The following DLG2 variants were observed in gnomAD, a reference collection of about 807,000 sequenced individuals.
The protein encoded by DLG2 is discs large MAGUK scaffold protein 2, also known as disks large homolog 2.
A neutral mutation model predicts 132.5 loss-of-function variants in DLG2; 45 were observed. The ratio of observed to expected loss-of-function variants is 0.34; its 90% CI spans 0.27 to 0.44. DLG2 has a LOEUF of 0.44. Ranked by LOEUF, DLG2 falls within the 20% of genes least tolerant of loss-of-function variation. DLG2 has a pLI of 1.00. For synonymous variants in DLG2, 424 were observed against 419.6 expected (o/e 1.01, Z -0.13); for missense variants, 1,045 against 1,196.9 (o/e 0.87, Z 1.87).
intron 7 of DLG2, among the ~76,000 whole-genome samples, chr11:84,424,985 C>A (rs2098961825): frequency 1.3e-5 from 2 of 152,044 alleles, no homozygotes; most frequent in Admixed American, 1.3e-4. Flanking sequence ...ATAGAGTTTG[C>A]TAAGTGTTTG....
chr11:84,745,484 T>C (rs566995645), intron 6 of DLG2, among the ~76,000 whole-genome samples: 29 of 152,324 alleles, frequency 1.9e-4, no homozygotes, highest in Middle Eastern at 3.4e-3. Flanking sequence ...GATGCTGCTG[T>C]ACTTCCTGTA....
chr11:85,106,314 C>T (rs2071740538), intron 6 of DLG2, among the ~76,000 whole-genome samples: 1 of 151,976 alleles, frequency 6.6e-6, no homozygotes, highest in African/African-American at 2.4e-5. Context: ...ATGAAAATGG[C>T]TGAGAATATC....
At chr11:83,879,499 CTCTT>C (rs2065609249) in intron 15 of DLG2, among the ~76,000 whole-genome samples, 1 of 152,076 alleles carries the variant, frequency 6.6e-6, no homozygotes. Flanking sequence ...TTTCTTTCTT[CTCTT>C]TTTCTGTCTA....
chr11:84,828,479 G>A (rs2078621135), intron 6 of DLG2, among the ~76,000 whole-genome samples: 1 of 151,726 alleles, frequency 6.6e-6, no homozygotes, highest in African/African-American at 2.4e-5. Context: ...CATTTTAAAG[G>A]GATAAATAGC....
intron 16 of DLG2, among the ~76,000 whole-genome samples, chr11:83,866,983 G>A (rs546077242): frequency 1.5e-3 from 228 of 152,136 alleles, no homozygotes; most frequent in Non-Finnish European, 2.8e-3. Context: ...TTTCTAATTC[G>A]GTACATTTCA....
At chr11:84,561,662 G>C (rs1480297218) in intron 6 of DLG2, among the ~76,000 whole-genome samples, 4 of 152,120 alleles carry the variant, frequency 2.6e-5, no homozygotes, top group Non-Finnish European at 5.9e-5. Flanking sequence ...AATCATTGTT[G>C]AGTGAAAGAA....
intron 3 of DLG2, among the ~76,000 whole-genome samples, chr11:85,351,615 T>G (rs1369884269): frequency 6.6e-6 from 1 of 152,228 alleles, no homozygotes; most frequent in African/African-American, 2.4e-5. Context: ...GTTTTTAGCA[T>G]GAAGAGCTAT....
intron 15 of DLG2, among the ~76,000 whole-genome samples, chr11:83,924,572 GCCAACCC>G (rs2078591763): frequency 6.6e-6 from 1 of 152,062 alleles, no homozygotes; most frequent in African/African-American, 2.4e-5. Flanking sequence ...CCCCCATACT[GCCAACCC>G]TACCATTCAT....
At chr11:84,771,946 T>C (rs2069481912) in intron 6 of DLG2, among the ~76,000 whole-genome samples, 1 of 151,910 alleles carries the variant, frequency 6.6e-6, no homozygotes, top group Admixed American at 6.6e-5. Context: ...AAGAGCCAAA[T>C]CAAAAACACA....
At chr11:83,493,161 G>T (rs1298068481) in intron 21 of DLG2, among the ~76,000 whole-genome samples, 5 of 151,860 alleles carry the variant, frequency 3.3e-5, no homozygotes, top group African/African-American at 1.2e-4. Flanking sequence ...TTGATTCAGG[G>T]ACTTTGCTCT....
chr11:83,561,037 G>T (rs1049663038), intron 19 of DLG2, among the ~76,000 whole-genome samples: 1 of 152,200 alleles, frequency 6.6e-6, no homozygotes, highest in Non-Finnish European at 1.5e-5. Flanking sequence ...TGGGAAGCAG[G>T]CTCATCTTAC....
At chr11:84,885,747 C>T (rs978904823) in intron 6 of DLG2, among the ~76,000 whole-genome samples, 1 of 152,038 alleles carries the variant, frequency 6.6e-6, no homozygotes, top group Non-Finnish European at 1.5e-5. Context: ...GCAATGAAAA[C>T]CAGCACCACC....
At chr11:83,983,427 T>C (rs2092974803) in intron 11 of DLG2, among the ~76,000 whole-genome samples, 1 of 151,972 alleles carries the variant, frequency 6.6e-6, no homozygotes. Context: ...ACAACAATAA[T>C]AAAAAATACT....
intron 6 of DLG2, among the ~76,000 whole-genome samples, chr11:84,940,994 C>T (rs1047252238): frequency 6.6e-6 from 1 of 152,120 alleles, no homozygotes; most frequent in African/African-American, 2.4e-5. Context: ...GTCCTTTCCC[C>T]AATGTATGTT....
chr11:83,750,815 A>G (rs994443943), intron 18 of DLG2, among the ~76,000 whole-genome samples: 2 of 152,210 alleles, frequency 1.3e-5, no homozygotes, highest in African/African-American at 4.8e-5. Context: ...TTTAGGACTT[A>G]TTGTCCCAGA....
At chr11:83,780,345 T>C (rs1037416295) in intron 18 of DLG2, among the ~76,000 whole-genome samples, 3 of 152,216 alleles carry the variant, frequency 2.0e-5, no homozygotes, top group African/African-American at 7.2e-5. Context: ...GTTTAAGCTC[T>C]GTGACAGTGG....
intron 18 of DLG2, among the ~76,000 whole-genome samples, chr11:83,753,843 TCA>T (rs1491519667): frequency 1.9e-4 from 2 of 10,478 alleles, no homozygotes. Context: ...ATGATATATA[TCA>T]TATATATCAT....
intron 6 of DLG2, among the ~76,000 whole-genome samples, chr11:84,972,033 G>T (rs1489274749): frequency 6.6e-6 from 1 of 152,090 alleles, no homozygotes; most frequent in Non-Finnish European, 1.5e-5. Flanking sequence ...TTCTTGCTCA[G>T]TGGTACTTAC....
intron 6 of DLG2, among the ~76,000 whole-genome samples, chr11:84,817,743 G>A (rs1372609577): frequency 6.6e-6 from 1 of 151,928 alleles, no homozygotes; most frequent in East Asian, 1.9e-4. Flanking sequence ...ACTTTGGCAG[G>A]AAGATGTCCT....
Sources: gnomAD v4.1 joint callset for allele counts (sites outside exome capture counted in the v4.1 genomes callset) on GRCh38, gnomAD v4.1.1 for gene constraint, MANE v1.5 for transcripts, NCBI Gene and HGNC (gene_info 2026-07-23, HGNC 2026-07-21) for gene names.